The following SULF1 variants were observed in gnomAD, a reference collection of about 807,000 sequenced individuals.
SULF1 encodes sulfatase 1.
In SULF1, 46 loss-of-function variants were observed where a neutral mutation model predicts 110.5. That is an observed-to-expected ratio of 0.42 (90% CI 0.33 to 0.53). The LOEUF is 0.53. Among genes scored for constraint, SULF1 ranks in the 20% least tolerant of loss-of-function variants. The pLI is 0.12. For missense variants in SULF1, 941 were observed against 1,094.2 expected, an observed-to-expected ratio of 0.86 and a Z score of 1.98; for synonymous variants, 371 against 387.1, an observed-to-expected ratio of 0.96 and a Z score of 0.49.
intron 13 of SULF1, among the ~76,000 whole-genome samples, chr8:69,616,128 G>GTA (rs201506753): frequency 0.011 from 1,484 of 129,250 alleles, 41 homozygotes; most frequent in Admixed American, 0.032. Flanking sequence ...TATATAATGT[G>GTA]TATATATATA....
rs780510098 is a variant in SULF1 at position 69,576,140 on chromosome 8, C to G, written c.343C>G (p.Pro115Ala). The G allele has an allele frequency of 1.3e-5, 21 of 1,614,070 alleles. No individual in the cohort carries two copies. The Admixed American group carries it at 3.3e-4, about 26-fold the overall frequency. The change falls in exon 6 of 23, where the codon CCC (proline) becomes GCC (alanine). Residue 115 changes from proline to alanine, a missense_variant. Pro to Ala is a conservative substitution (Grantham distance 27). Coordinates refer to ENST00000402687, the MANE Select transcript of SULF1 (RefSeq NM_001128205.2). Reference sequence around the variant, plus strand: ...CACCAACAACGAGAACTGCTCTTCCCCCTCGTGGCAGGCCATGCATGAGCC... The same window carrying G: ...CACCAACAACGAGAACTGCTCTTCCGCCTCGTGGCAGGCCATGCATGAGCC... ...VYTNNENCSS[P>A]SWQAMHEPRT...
intron 3 of SULF1, among the ~76,000 whole-genome samples, chr8:69,558,942 C>T (rs972284742): frequency 6.6e-6 from 1 of 151,956 alleles, no homozygotes; most frequent in Non-Finnish European, 1.5e-5. Flanking sequence ...AAAAACTATA[C>T]TTTCCAAACA....
At chr8:69,611,560 C>T (rs1309257164) in intron 13 of SULF1, among the ~76,000 whole-genome samples, 1 of 152,106 alleles carries the variant, frequency 6.6e-6, no homozygotes, top group African/African-American at 2.4e-5. Context: ...GCAGTTTGGA[C>T]AAAGATGTGA....
intron 8 of SULF1, among the ~76,000 whole-genome samples, chr8:69,592,206 T>C (rs1806957548): frequency 6.6e-6 from 1 of 152,146 alleles, no homozygotes; most frequent in Non-Finnish European, 1.5e-5. Flanking sequence ...GGTCACTGTA[T>C]AAGGGAGGCA....
At chr8:69,625,133 C>G (rs1238781219) in intron 15 of SULF1, among the ~76,000 whole-genome samples, 1 of 152,252 alleles carries the variant, frequency 6.6e-6, no homozygotes, top group African/African-American at 2.4e-5. Context: ...AAGGCACTCT[C>G]TTTTTAACAA....
At chr8:69,513,621 A>G (rs549304782) in intron 3 of SULF1, among the ~76,000 whole-genome samples, 84 of 152,246 alleles carry the variant, frequency 5.5e-4, no homozygotes, top group Non-Finnish European at 8.4e-4. Flanking sequence ...CAGAAAAGCC[A>G]CATTTGTGAT....
chr8:69,549,780 T>A (rs1327762541), intron 3 of SULF1, among the ~76,000 whole-genome samples: 1 of 152,138 alleles, frequency 6.6e-6, no homozygotes, highest in African/African-American at 2.4e-5. Context: ...GATTAATTAA[T>A]CATTGCAAGT....
intron 21 of SULF1, 102 bp downstream of exon 21, chr8:69,638,960 C>A: frequency 8.4e-7 from 1 of 1,197,390 alleles, no homozygotes; most frequent in Non-Finnish European, 1.2e-6. Context: ...ACATATAATT[C>A]AAGATACTTA....
chr8:69,570,646 T>A (rs1805164105), intron 5 of SULF1, among the ~76,000 whole-genome samples: 1 of 152,218 alleles, frequency 6.6e-6, no homozygotes. Flanking sequence ...AGCCACAACC[T>A]ATCACATACT....
rs1810744164 is a variant in SULF1, at chr8:69,633,479, C to G, written c.2284+3800C>G. Among the ~76,000 whole-genome samples, 4 of 151,758 alleles carry G rather than the reference C, an allele frequency of 2.6e-5. No individual in the cohort carries two copies. In the South Asian group the frequency reaches 6.2e-4, roughly 24 times the overall value. Reference sequence around the variant, plus strand: ...AAGTAGCTGGGATTACAGGCGGCCACCACCACGCCTAGCTAATTTTTTTGT... The same window carrying G: ...AAGTAGCTGGGATTACAGGCGGCCAGCACCACGCCTAGCTAATTTTTTTGT... On this transcript the variant is annotated intron_variant, in intron 19 of 22. Coordinates refer to ENST00000402687, the MANE Select transcript of SULF1 (RefSeq NM_001128205.2).
chr8:69,511,042 C>T (rs1272937040), intron 3 of SULF1, among the ~76,000 whole-genome samples: 1 of 151,628 alleles, frequency 6.6e-6, no homozygotes, highest in Non-Finnish European at 1.5e-5. Flanking sequence ...CTGCACCCAC[C>T]CTCTGGAAAC....
intron 3 of SULF1, among the ~76,000 whole-genome samples, chr8:69,537,291 T>C (rs1813489055): frequency 6.6e-6 from 1 of 152,172 alleles, no homozygotes; most frequent in South Asian, 2.1e-4. Context: ...AGAGGTTTGT[T>C]GAATGAATGC....
intron 19 of SULF1, among the ~76,000 whole-genome samples, chr8:69,630,002 C>G (rs1288428818): frequency 2.6e-5 from 4 of 152,168 alleles, no homozygotes; most frequent in Non-Finnish European, 5.9e-5. Flanking sequence ...GGATGAACAT[C>G]CCGTAAATGG....
At chr8:69,552,562 G>C (rs1020503971) in intron 3 of SULF1, among the ~76,000 whole-genome samples, 2 of 152,208 alleles carry the variant, frequency 1.3e-5, no homozygotes, top group African/African-American at 4.8e-5. Context: ...GGAAAGCATT[G>C]ATTTACAGTA....
chr8:69,603,584 A>C lies in SULF1; in HGVS notation c.1191-16A>C. 6 of 1,605,480 alleles carry C rather than the reference A, an allele frequency of 3.7e-6. No homozygotes were observed. The highest frequency in any genetic ancestry group is 5.1e-6 in the Non-Finnish European group (6 of 1,172,162). ...CGTCCAGATGCCAAAAGTAAATATT[A>C]TCATTTTGCTTTCAGGTTTCGAACA... On this transcript the variant is annotated splice_polypyrimidine_tract_variant and intron_variant, in intron 11 of 22. Coordinates refer to ENST00000402687, the MANE Select transcript of SULF1 (RefSeq NM_001128205.2).
chr8:69,613,204 A>G (rs531305207), intron 13 of SULF1, among the ~76,000 whole-genome samples: 1 of 150,948 alleles, frequency 6.6e-6, no homozygotes, highest in African/African-American at 2.4e-5. Context: ...ATTCTGTTCC[A>G]TTCTATGTGC....
chr8:69,657,951 GAAAT>G (rs755313165), intron 22 of SULF1, among the ~76,000 whole-genome samples: 26 of 152,254 alleles, frequency 1.7e-4, no homozygotes, highest in Non-Finnish European at 3.4e-4. Flanking sequence ...AACAATCAAA[GAAAT>G]AAATCCAGGC....
rs960539562 is a variant in SULF1 at position 69,511,308 on chromosome 8, T to A, written c.-134+9340T>A. ...GATTTGTTTACCCTTTGGTTCAGAT[T>A]TTTTTCTCCCATTCAATCATGATTT... On this transcript the variant is annotated intron_variant, in intron 3 of 22. Transcript: ENST00000402687. 3.9e-5 allele frequency among the ~76,000 whole-genome samples: 6 copies of A among 152,178 alleles called. No individual in the cohort carries two copies. The South Asian group carries it at 6.2e-4, about 16-fold the overall frequency.
At chr8:69,559,194 TGGCAAGTGATAATTCATTAAA>T (rs1305138087) in intron 3 of SULF1, among the ~76,000 whole-genome samples, 1 of 152,208 alleles carries the variant, frequency 6.6e-6, no homozygotes, top group Non-Finnish European at 1.5e-5. Context: ...CAACAAAACT[TGGCAAGTGATAATTCATTAAA>T]GGTTAGTTGT....
Sources: allele counts gnomAD v4.1 joint callset (sites outside exome capture counted in the v4.1 genomes callset), GRCh38; gene constraint gnomAD v4.1.1; transcripts MANE v1.5; gene names NCBI Gene and HGNC (gene_info 2026-07-23, HGNC 2026-07-21).